AGAP3: variants seen among roughly 807,000 people sequenced by gnomAD.
AGAP3 encodes arf-GAP with GTPase, ANK repeat and PH domain-containing protein 3.
A neutral mutation model predicts 96.9 loss-of-function variants in AGAP3; 24 were observed. That is an observed-to-expected ratio of 0.25 (90% confidence interval 0.18 to 0.35). AGAP3 has a LOEUF of 0.35. Ranked by LOEUF, AGAP3 falls within the 10% of genes least tolerant of loss-of-function variation. The probability of loss-of-function intolerance (pLI) is 1.00; values close to 1 mark genes in which losing one functional copy is unlikely to be tolerated. For synonymous variants in AGAP3, 563 were observed against 536.1 expected, an observed-to-expected ratio of 1.05 and a Z score of -0.69; for missense variants, 876 against 1,254.2, an observed-to-expected ratio of 0.70 and a Z score of 4.55.
intron 1 of AGAP3, among the ~76,000 whole-genome samples, chr7:151,092,619 C>T (rs1798443908): frequency 6.6e-6 from 1 of 152,202 alleles, no homozygotes; most frequent in Non-Finnish European, 1.5e-5. Flanking sequence ...TGAGGCTTTG[C>T]AACACTTTGC....
At chr7:151,122,432 CG>C (rs1563489414) in intron 8 of AGAP3, among the ~76,000 whole-genome samples, 6 of 152,188 alleles carry the variant, frequency 3.9e-5, no homozygotes, top group Non-Finnish European at 8.8e-5. Flanking sequence ...CCTGGGCTGC[CG>C]AGTGGCGAAC....
intron 1 of AGAP3, among the ~76,000 whole-genome samples, chr7:151,101,893 G>A (rs749319): frequency 0.38 from 58,097 of 152,002 alleles, 11,722 homozygotes; most frequent in East Asian, 0.59. Context: ...GGGCCGGTGC[G>A]CCTGGGTGAG....
chr7:151,110,271 T>C (rs1054234127), intron 1 of AGAP3, among the ~76,000 whole-genome samples: 2 of 152,210 alleles, frequency 1.3e-5, no homozygotes, highest in African/African-American at 4.8e-5. Context: ...GCCACCTTCA[T>C]GTGCCTGGCA....
chr7:151,129,241 C>T (rs1800306242), intron 10 of AGAP3, among the ~76,000 whole-genome samples: 1 of 152,020 alleles, frequency 6.6e-6, no homozygotes, highest in Admixed American at 6.5e-5. Flanking sequence ...CGCGTGGCTC[C>T]AGCACACAGC....
Position 151,139,845 on chromosome 7 carries a change from G to A in AGAP3, c.1667-134G>A. On this transcript the variant is annotated intron_variant, in intron 12 of 17. Transcript: ENST00000397238. This position sits in a 1 kb window ranked among gnomAD's most constrained non-coding sequence, Gnocchi z 4.9. Reference sequence around the variant, plus strand: ...CCAGGCAGACCTCGCCTAGAGAGAGGTGTCCGTCTGGCTCTCCTGAGTGTG... The same window carrying A: ...CCAGGCAGACCTCGCCTAGAGAGAGATGTCCGTCTGGCTCTCCTGAGTGTG... The A allele has an allele frequency of 2.4e-6, 2 of 824,270 alleles. No homozygotes were observed. The highest frequency in any genetic ancestry group is 3.4e-6 in the Non-Finnish European group (2 of 590,604). The allele number at this position is 824,270 out of a possible 1,614,324, so 51.1% of individuals were successfully genotyped here.
Position 151,096,338 on chromosome 7 carries a change from G to A in AGAP3, c.331+9266G>A, listed in dbSNP as rs114382311. ...AGGCCCAGGGGAAGGGACCTGAGGG[G>A]GCAGGGCTGTCACAGGGCCTGCACG... On this transcript the variant is annotated intron_variant, in intron 1 of 17. Coordinates refer to ENST00000397238, the MANE Select transcript of AGAP3 (RefSeq NM_031946.7). The surrounding 1 kb of genome is among the most constrained non-coding windows in gnomAD (Gnocchi z 4.4). Among the ~76,000 whole-genome samples the A allele has an allele frequency of 7.4e-3, 1,132 of 152,244 alleles. 7 individuals carry two copies. Among genetic ancestry groups the A allele is most frequent in the African/African-American group, 0.026 (1,070 of 41,552 alleles).
chr7:151,117,569 T>C, intron 4 of AGAP3, 67 bp from the exon 5 acceptor site: 1 of 1,611,606 alleles, frequency 6.2e-7, no homozygotes, highest in African/African-American at 1.3e-5. Context: ...CTACTTGAGT[T>C]CACCTGCCCT....
At position 151,119,939 on chromosome 7, in the gene AGAP3, TCCCGC is replaced by T. The variant is rs1282864618; in HGVS notation, c.970-44_970-40del. The T allele has an allele frequency of 2.5e-6, 4 of 1,600,224 alleles. No individual in the cohort carries two copies. In the African/African-American group the frequency reaches 5.4e-5, roughly 21 times the overall value. Reference sequence around the variant, plus strand: ...ATTCCCGGCACCCGCCTGGTGCCCGTCCCGCCCCTGACCCGGAGCTGCCCTCAGCA... The same window carrying T: ...ATTCCCGGCACCCGCCTGGTGCCCGTCCCTGACCCGGAGCTGCCCTCAGCA... On this transcript the variant is annotated intron_variant, in intron 7 of 17. Transcript: ENST00000397238.
In AGAP3 at chr7:151,133,829, G is replaced by C. The variant is rs1444178590; in HGVS notation, c.1327-571G>C. 6.6e-6 allele frequency among the ~76,000 whole-genome samples: 1 copy of C among 152,204 alleles called. No individual in the cohort carries two copies. The highest frequency in any genetic ancestry group is 1.5e-5 in the Non-Finnish European group (1 of 68,026). On this transcript the variant is annotated intron_variant, in intron 10 of 17. Coordinates refer to ENST00000397238, the MANE Select transcript of AGAP3 (RefSeq NM_031946.7). The surrounding 1 kb of genome is among the most constrained non-coding windows in gnomAD (Gnocchi z 5.4). Reference sequence around the variant, plus strand: ...TGACGATGACTGCCGCCAGGGAATTGGTGGTACCTGTGAGAGCACCTGTTG... The same window carrying C: ...TGACGATGACTGCCGCCAGGGAATTCGTGGTACCTGTGAGAGCACCTGTTG...
At chr7:151,126,756 T>C (rs987883470) in intron 9 of AGAP3, among the ~76,000 whole-genome samples, 1 of 152,202 alleles carries the variant, frequency 6.6e-6, no homozygotes, top group Non-Finnish European at 1.5e-5. Flanking sequence ...AGGCCCAGCC[T>C]ACCTGGAAGA....
At chr7:151,089,321 G>C (rs750786125) in intron 1 of AGAP3, among the ~76,000 whole-genome samples, 1 of 152,176 alleles carries the variant, frequency 6.6e-6, no homozygotes, top group Non-Finnish European at 1.5e-5. Flanking sequence ...GGGCGTTTCC[G>C]AGCACAGTCT....
chr7:151,120,419 G>A (rs907785381), intron 8 of AGAP3: 19 of 672,906 alleles, frequency 2.8e-5, no homozygotes, highest in South Asian at 1.4e-4. Flanking sequence ...CACCCTCCCC[G>A]CCGCCTTCCT....
At chr7:151,120,350 T>C (rs1799819796) in intron 8 of AGAP3, among the ~76,000 whole-genome samples, 1 of 152,164 alleles carries the variant, frequency 6.6e-6, no homozygotes, top group South Asian at 2.1e-4. Context: ...CACAAGGGGT[T>C]TCCAGTAGCG....
chr7:151,110,530 T>C (rs541011064), intron 1 of AGAP3, among the ~76,000 whole-genome samples: 3 of 151,918 alleles, frequency 2.0e-5, no homozygotes, highest in Middle Eastern at 3.4e-3. Context: ...AATAAGGGGA[T>C]TGGGTGCCAT....
At chr7:151,112,171 G>A (rs1039643477) in intron 1 of AGAP3, 3 of 152,202 alleles carry the variant, frequency 2.0e-5, no homozygotes, top group Non-Finnish European at 2.9e-5. Context: ...GGGAGCAGGT[G>A]CCCTTCCCTG....
intron 1 of AGAP3, 99 bp from the exon 2 acceptor site, chr7:151,116,694 C>T (rs1410230631): frequency 2.9e-6 from 4 of 1,397,780 alleles, no homozygotes; most frequent in Non-Finnish European, 3.0e-6. Context: ...GTCCTCTGGC[C>T]TGGGCTTGGG....
intron 1 of AGAP3, chr7:151,116,476 G>T: frequency 2.3e-6 from 1 of 434,538 alleles, no homozygotes; most frequent in Non-Finnish European, 4.2e-6. Context: ...GGGGCACTAG[G>T]CCAGGTGTGG....
At chr7:151,137,239 T>C (rs549400453) in intron 11 of AGAP3, among the ~76,000 whole-genome samples, 2 of 152,306 alleles carry the variant, frequency 1.3e-5, no homozygotes, top group East Asian at 3.9e-4. Context: ...CTCTGCCTGC[T>C]GTCTCCAGCT....
Position 151,098,394 on chromosome 7 carries a change from G to A in AGAP3, c.331+11322G>A, listed in dbSNP as rs1485117458. ...ATACAAACACACACATATACACAAAGATAACACATGGGACTGGGTGCCACT... is the reference window on the plus strand; with the variant it reads ...ATACAAACACACACATATACACAAAAATAACACATGGGACTGGGTGCCACT... On this transcript the variant is annotated intron_variant, in intron 1 of 17. Transcript: ENST00000397238. Among the ~76,000 whole-genome samples the A allele has an allele frequency of 3.3e-5, 5 of 151,630 alleles. No individual in the cohort carries two copies. In the East Asian group the frequency reaches 9.7e-4, roughly 30 times the overall value.
Sources: gnomAD v4.1 joint callset for allele counts (sites outside exome capture counted in the v4.1 genomes callset) on GRCh38, gnomAD v4.1.1 for gene constraint, Gnocchi (gnomAD v3.1) non-coding constraint, MANE v1.5 for transcripts, NCBI Gene and HGNC (gene_info 2026-07-23, HGNC 2026-07-21) for gene names.